TMEM171: variants seen among roughly 807,000 people sequenced by gnomAD.
TMEM171 encodes transmembrane protein 171.
Under a neutral mutation model 19.1 loss-of-function variants are expected in TMEM171, and 16 were observed. That is an observed-to-expected ratio of 0.84 (90% CI 0.57 to 1.27). The LOEUF is 1.27. Among genes scored for constraint, TMEM171 ranks in the 50% most tolerant of loss-of-function variants. The pLI, the probability that TMEM171 is intolerant of heterozygous loss-of-function variation, is 0.00. For synonymous variants in TMEM171, 153 were observed against 163.4 expected (o/e 0.94, Z 0.48); for missense variants, 429 against 412.7 (o/e 1.04, Z -0.34).
At chr5:73,128,003 C>T (rs1744224835) in intron 2 of TMEM171, among the ~76,000 whole-genome samples, 1 of 152,144 alleles carries the variant, frequency 6.6e-6, no homozygotes, top group African/African-American at 2.4e-5. Context: ...CCTCAGCTTC[C>T]CGAAGTGGTG....
chr5:73,128,439 A>G lies in TMEM171; in HGVS notation c.690A>G (p.Glu230=), dbSNP rs769179274. ...FPPPPPPYFP[E]SSASAVAESP... ...CCCCTCCACCACCTTACTTTCCTGA[A>G]TCTTCAGCTTCTGCGGTCGCTGAGA... The change falls in exon 3 of 4, where the codon GAA becomes GAG. Residue 230 remains glutamate, a synonymous_variant. Coordinates refer to ENST00000454765, the MANE Select transcript of TMEM171 (RefSeq NM_173490.8). 6.2e-6 allele frequency: 10 copies of G among 1,614,110 alleles called. No individual in the cohort carries two copies. The highest frequency in any genetic ancestry group is 7.6e-6 in the Non-Finnish European group (9 of 1,180,026).
Position 73,128,485 on chromosome 5 carries a change from C to A in TMEM171, c.736C>A (p.Leu246Ile). The change falls in exon 3 of 4, where the codon CTT becomes ATT. Residue 246 changes from leucine to isoleucine, a missense_variant. Coordinates refer to ENST00000454765, the MANE Select transcript of TMEM171 (RefSeq NM_173490.8). ...VAESPGTNSL[L>I]PNENPPSYYS... is the part of the protein sequence containing the mutation. ...TGAGAGTCCTGGAACTAACAGTCTG[C>A]TTCCGAATGAAAACCCCCCTTCATA... The A allele has an allele frequency of 6.2e-7, 1 of 1,614,144 alleles. No homozygotes were observed.
At chr5:73,125,353 G>A (rs1459808754) in intron 2 of TMEM171, among the ~76,000 whole-genome samples, 1 of 152,138 alleles carries the variant, frequency 6.6e-6, no homozygotes, top group Non-Finnish European at 1.5e-5. Context: ...GCAATCCAAG[G>A]GGGCAGATAA....
chr5:73,131,326 A>G (rs1427779933), intron 3 of TMEM171, among the ~76,000 whole-genome samples: 1 of 152,140 alleles, frequency 6.6e-6, no homozygotes, highest in African/African-American at 2.4e-5. Flanking sequence ...AGCAGGAGTG[A>G]GACTGTCTTA....
At chr5:73,128,672 C>A in intron 3 of TMEM171, 141 bp downstream of exon 3, 2 of 1,066,806 alleles carry the variant, frequency 1.9e-6, no homozygotes, top group Non-Finnish European at 2.5e-6. Flanking sequence ...TTGATATTAA[C>A]AGTACCTTTG....
intron 2 of TMEM171, among the ~76,000 whole-genome samples, chr5:73,127,583 C>T (rs1340181027): frequency 1.3e-5 from 2 of 150,200 alleles, no homozygotes; most frequent in Non-Finnish European, 3.0e-5. Context: ...ATTACAGGCG[C>T]CTGCCACCAC....
Position 73,131,763 on chromosome 5 carries a change from G to A in TMEM171, c.*33G>A. On this transcript the variant is annotated 3_prime_UTR_variant, in exon 4 of 4. Coordinates refer to ENST00000454765, the MANE Select transcript of TMEM171 (RefSeq NM_173490.8). ...ACTCTAGTTCAGTTTTATATGCAAT[G>A]GATCACTATTTTATTTAATTTTTTT... 2 of 1,491,168 alleles carry A rather than the reference G, an allele frequency of 1.3e-6. No individual in the cohort carries two copies. Among genetic ancestry groups the A allele is most frequent in the Non-Finnish European group, 9.0e-7 (1 of 1,115,466 alleles). The allele number at this position is 1,491,168 out of a possible 1,614,324, so 92.4% of individuals were successfully genotyped here. A position where few individuals can be genotyped will look rare whatever the true frequency, so the allele number is the denominator to read the frequency against.
chr5:73,120,983 A>G (rs1561510460), intron 1 of TMEM171, among the ~76,000 whole-genome samples: 1 of 152,294 alleles, frequency 6.6e-6, no homozygotes, highest in East Asian at 1.9e-4. Context: ...TGGAAAACCA[A>G]TAGGAGTGTT....
At position 73,123,451 on chromosome 5, in the gene TMEM171, T is replaced by G. The variant is rs375524877; in HGVS notation, c.78T>G (p.Phe26Leu). The change falls in exon 2 of 4, where the codon TTT becomes TTG. Residue 26 changes from phenylalanine to leucine, a missense_variant. By Grantham distance (22) the Phe-to-Leu change is conservative. Coordinates refer to ENST00000454765, the MANE Select transcript of TMEM171 (RefSeq NM_173490.8). Reference protein sequence around the residue: ...RHVSKLIFCFFVFGAVLLCVG... With the variant: ...RHVSKLIFCFLVFGAVLLCVG... ...TCAGCAAACTCATCTTCTGCTTCTT[T>G]GTCTTCGGCGCCGTCTTGTTGTGTG... The G allele has an allele frequency of 9.9e-6, 16 of 1,614,076 alleles. No homozygotes were observed. The African/African-American group carries it at 1.7e-4, about 18-fold the overall frequency.
intron 2 of TMEM171, among the ~76,000 whole-genome samples, chr5:73,127,582 G>A (rs1418887291): frequency 6.6e-5 from 10 of 150,772 alleles, no homozygotes; most frequent in South Asian, 2.1e-4. Context: ...GATTACAGGC[G>A]CCTGCCACCA....
intron 1 of TMEM171, among the ~76,000 whole-genome samples, chr5:73,121,561 G>A (rs1744008323): frequency 6.6e-6 from 1 of 152,116 alleles, no homozygotes; most frequent in Non-Finnish European, 1.5e-5. Flanking sequence ...AATAAAAAAT[G>A]GGAAGATTAA....
At chr5:73,128,996 G>A (rs1460281310) in intron 3 of TMEM171, among the ~76,000 whole-genome samples, 1 of 152,200 alleles carries the variant, frequency 6.6e-6, no homozygotes, top group Non-Finnish European at 1.5e-5. Context: ...GGGAGGCTGA[G>A]GCATGAGGAT....
intron 2 of TMEM171, among the ~76,000 whole-genome samples, chr5:73,124,225 C>T (rs1744104587): frequency 6.6e-6 from 1 of 152,182 alleles, no homozygotes; most frequent in Non-Finnish European, 1.5e-5. Context: ...TCTTTTCCCC[C>T]CCAGCAACTC....
rs1261605666 is a variant in TMEM171 at position 73,131,650 on chromosome 5, G to T, written c.895G>T (p.Glu299Ter). The T allele has an allele frequency of 3.1e-6, 5 of 1,613,556 alleles. No individual in the cohort carries two copies. The highest frequency in any genetic ancestry group is 2.5e-6 in the Non-Finnish European group (3 of 1,179,926). The change falls in exon 4 of 4, where the codon GAA (glutamate) becomes TAA (stop). Residue 299 changes from glutamate (E) to a stop codon, truncating the protein, a stop_gained. Transcript: ENST00000454765. LOFTEE classifies it low-confidence loss of function (END_TRUNC). ...EASHTPHLPS[E>*]LPPRYEEKEN... ...CTCACACACTCCACATCTTCCATCTGAATTGCCTCCTAGATATGAAGAAAA... is the reference window on the plus strand; with the variant it reads ...CTCACACACTCCACATCTTCCATCTTAATTGCCTCCTAGATATGAAGAAAA...
At position 73,123,839 on chromosome 5, in the gene TMEM171, C is replaced by A. The variant is rs374701617; in HGVS notation, c.466C>A (p.Arg156=). Residue 156 remains arginine (R), a synonymous_variant, in exon 2 of 4, where the codon CGG becomes AGG. Transcript: ENST00000454765. ...NETDTGDSEP[R]MCGFLSLQIM... is the part of the protein sequence containing the mutation. ...GACAGACACTGGCGACTCAGAGCCC[C>A]GGATGTGTGGGTTCCTTTCTCTGCA... The A allele has an allele frequency of 2.8e-5, 45 of 1,613,232 alleles. 2 individuals are homozygous for A. Among genetic ancestry groups the A allele is most frequent in the Non-Finnish European group, 6.8e-6 (8 of 1,179,666 alleles).
chr5:73,125,551 A>C (rs571075030), intron 2 of TMEM171, among the ~76,000 whole-genome samples: 1 of 152,334 alleles, frequency 6.6e-6, no homozygotes, highest in African/African-American at 2.4e-5. Context: ...ATCCTTCACC[A>C]AGTGTTCCTG....
intron 1 of TMEM171, among the ~76,000 whole-genome samples, chr5:73,121,769 C>T (rs998090434): frequency 2.0e-5 from 3 of 152,134 alleles, no homozygotes; most frequent in Non-Finnish European, 4.4e-5. Context: ...CTGACCTTCC[C>T]TCAGTGTGAT....
chr5:73,129,307 G>A (rs1308254502), intron 3 of TMEM171, among the ~76,000 whole-genome samples: 1 of 152,144 alleles, frequency 6.6e-6, no homozygotes, highest in Non-Finnish European at 1.5e-5. Context: ...CAATCCGTCT[G>A]ATTGGTTGCA....
At chr5:73,128,309 AAT>A (rs1744235113) in intron 2 of TMEM171, 79 bp from the exon 3 acceptor site, 2 of 1,546,482 alleles carry the variant, frequency 1.3e-6, no homozygotes, top group African/African-American at 2.7e-5. Flanking sequence ...AGATGGGCCA[AAT>A]ATATAATTAA....
Sources: allele counts gnomAD v4.1 joint callset (sites outside exome capture counted in the v4.1 genomes callset), GRCh38; gene constraint gnomAD v4.1.1; transcripts MANE v1.5; gene names NCBI Gene and HGNC (gene_info 2026-07-23, HGNC 2026-07-21).